Variants in TMEM63C observed in about 807,000 individuals in gnomAD.
The protein encoded by TMEM63C is osmosensitive cation channel TMEM63C.
Under a neutral mutation model 99.2 loss-of-function variants are expected in TMEM63C, and 32 were observed. That is an observed-to-expected ratio of 0.32 (90% CI 0.24 to 0.43). The LOEUF (loss-of-function observed/expected upper bound fraction) is 0.43, where lower values mean the gene tolerates loss of function less well. Among genes scored for constraint, TMEM63C ranks in the 20% least tolerant of loss-of-function variants. The pLI is 1.00. For synonymous variants in TMEM63C, 376 were observed against 397.9 expected (o/e 0.94, Z 0.66); for missense variants, 826 against 1,053.0 (o/e 0.78, Z 2.98).
chr14:77,206,533 G>C (rs1463713971), intron 1 of TMEM63C, among the ~76,000 whole-genome samples: 2 of 152,254 alleles, frequency 1.3e-5, no homozygotes, highest in African/African-American at 2.4e-5. Flanking sequence ...ACAGGGGAGA[G>C]AGAGGAGATG....
At chr14:77,240,924 C>CCTTTTTCTTTTTTTTT (rs1889159377) in intron 13 of TMEM63C, among the ~76,000 whole-genome samples, 1 of 145,068 alleles carries the variant, frequency 6.9e-6, no homozygotes, top group African/African-American at 2.5e-5. Flanking sequence ...ATCCCTTTTC[C>CCTTTTTCTTTTTTTTT]CTTTTTCTTT....
At chr14:77,182,501 G>C (rs533969431) in intron 1 of TMEM63C, among the ~76,000 whole-genome samples, 1 of 152,288 alleles carries the variant, frequency 6.6e-6, no homozygotes, top group East Asian at 1.9e-4. Flanking sequence ...AAGGCCCTGG[G>C]GAAACTGAGG....
chr14:77,242,800 T>G (rs1889202173), intron 14 of TMEM63C, 103 bp from the exon 15 acceptor site: 1 of 1,386,968 alleles, frequency 7.2e-7, no homozygotes, highest in African/African-American at 1.4e-5. Flanking sequence ...GAGGCTGGAT[T>G]AGACCAGGGC....
chr14:77,250,355 C>A (rs1219368668), intron 21 of TMEM63C, among the ~76,000 whole-genome samples: 1 of 152,152 alleles, frequency 6.6e-6, no homozygotes, highest in Non-Finnish European at 1.5e-5. Flanking sequence ...CAACCCCCAA[C>A]CCCACTGCCC....
chr14:77,206,485 CTT>C, intron 1 of TMEM63C, among the ~76,000 whole-genome samples: 1 of 152,358 alleles, frequency 6.6e-6, no homozygotes, highest in South Asian at 2.1e-4. Flanking sequence ...ACCACCTTGG[CTT>C]CTTGATCTGC....
At chr14:77,239,556 C>T (rs1277992957) in intron 11 of TMEM63C, 47 bp from the exon 12 acceptor site, 1 of 1,612,382 alleles carries the variant, frequency 6.2e-7, no homozygotes. Flanking sequence ...TGGGGCTCTG[C>T]TGGCCCCTGA....
intron 2 of TMEM63C, among the ~76,000 whole-genome samples, chr14:77,217,832 C>G (rs920099371): frequency 6.6e-6 from 1 of 152,144 alleles, no homozygotes; most frequent in Non-Finnish European, 1.5e-5. Flanking sequence ...CTAAGCCAGG[C>G]ATAGAAATAA....
intron 5 of TMEM63C, among the ~76,000 whole-genome samples, chr14:77,220,904 CG>C (rs1430148083): frequency 9.1e-6 from 1 of 109,914 alleles, no homozygotes; most frequent in African/African-American, 2.9e-5. Flanking sequence ...ACTCACGCCC[CG>C]CCTCCCACTC....
At chr14:77,206,030 G>C (rs1053908151) in intron 1 of TMEM63C, among the ~76,000 whole-genome samples, 3 of 152,200 alleles carry the variant, frequency 2.0e-5, no homozygotes, top group Non-Finnish European at 2.9e-5. Context: ...GTCACCTGGA[G>C]GAGAGTGCAC....
At chr14:77,235,274 G>A (rs562051727) in intron 8 of TMEM63C, among the ~76,000 whole-genome samples, 1 of 151,066 alleles carries the variant, frequency 6.6e-6, no homozygotes, top group Non-Finnish European at 1.5e-5. Flanking sequence ...GGGAGAGAGG[G>A]GTCCAGGGAG....
chr14:77,245,192 T>A (rs2140128760), intron 16 of TMEM63C, among the ~76,000 whole-genome samples: 1 of 152,362 alleles, frequency 6.6e-6, no homozygotes, highest in African/African-American at 2.4e-5. Flanking sequence ...TTAGTATTCT[T>A]GGTAATGTCT....
intron 3 of TMEM63C, among the ~76,000 whole-genome samples, 159 bp downstream of exon 3, chr14:77,219,122 G>C (rs1018236766): frequency 1.3e-5 from 2 of 152,238 alleles, no homozygotes; most frequent in Non-Finnish European, 1.5e-5. Context: ...CCCGGTAGGT[G>C]GGCCTCAAAG....
chr14:77,187,296 A>T (rs1202422298), intron 1 of TMEM63C, among the ~76,000 whole-genome samples: 1 of 152,330 alleles, frequency 6.6e-6, no homozygotes, highest in African/African-American at 2.4e-5. Flanking sequence ...AAGTTGCTTG[A>T]GACGAAAAGA....
chr14:77,239,325 C>T, intron 10 of TMEM63C, 87 bp from the exon 11 acceptor site: 1 of 1,386,378 alleles, frequency 7.2e-7, no homozygotes, highest in South Asian at 1.2e-5. Context: ...GCCACCCAGC[C>T]CTCAGGGCCG....
chr14:77,186,935 A>G (rs1888012140), intron 1 of TMEM63C, among the ~76,000 whole-genome samples: 1 of 152,138 alleles, frequency 6.6e-6, no homozygotes, highest in Non-Finnish European at 1.5e-5. Context: ...CGTGTCAACT[A>G]GGCCTGGCTT....
chr14:77,256,211 A>C (rs1381694692), intron 23 of TMEM63C, among the ~76,000 whole-genome samples: 1 of 152,196 alleles, frequency 6.6e-6, no homozygotes, highest in Non-Finnish European at 1.5e-5. Flanking sequence ...AGCTGAGGGG[A>C]GCCTCATGTC....
At chr14:77,225,892 G>T (rs959888617) in intron 6 of TMEM63C, among the ~76,000 whole-genome samples, 2 of 152,028 alleles carry the variant, frequency 1.3e-5, no homozygotes, top group Non-Finnish European at 2.9e-5. Flanking sequence ...AGTGCCTGGA[G>T]AGCAGAGGGG....
rs913523631 is a variant in TMEM63C at position 77,216,683 on chromosome 14, C to T, written c.-13-2118C>T. ...ATCCTCGACTCCTCTCACTCTTTCA[C>T]ATCCCCTATCTAATCTGCCGGCAAA... On this transcript the variant is annotated intron_variant, in intron 2 of 23. Transcript: ENST00000298351. Among the ~76,000 whole-genome samples, 5 of 152,212 alleles carry T rather than the reference C, an allele frequency of 3.3e-5. No homozygotes were observed. The East Asian group carries it at 5.8e-4, about 18-fold the overall frequency.
At chr14:77,205,758 G>A (rs920049881) in intron 1 of TMEM63C, among the ~76,000 whole-genome samples, 2 of 152,156 alleles carry the variant, frequency 1.3e-5, no homozygotes, top group Non-Finnish European at 2.9e-5. Context: ...GGCCAAGAGG[G>A]CCTCCCCTGG....
Sources: allele counts gnomAD v4.1 joint callset (sites outside exome capture counted in the v4.1 genomes callset), GRCh38; gene constraint gnomAD v4.1.1; transcripts MANE v1.5; gene names NCBI Gene and HGNC (gene_info 2026-07-23, HGNC 2026-07-21).